Variants in PC observed in about 807,000 individuals in gnomAD.
The protein encoded by PC is pyruvate carboxylase, mitochondrial.
In PC, 46 loss-of-function variants were observed where a neutral mutation model predicts 107.8. The ratio of observed to expected loss-of-function variants is 0.43; its 90% CI spans 0.34 to 0.55. PC has a LOEUF of 0.55. PC is among the 20% of genes least tolerant of loss of function. The pLI is 0.04. For missense variants in PC, 1,241 were observed against 1,643.1 expected (o/e 0.76, Z 4.23); for synonymous variants, 662 against 684.7 (o/e 0.97, Z 0.52).
At chr11:66,876,744 G>A (rs981954473) in intron 3 of PC, among the ~76,000 whole-genome samples, 20 of 152,196 alleles carry the variant, frequency 1.3e-4, no homozygotes, top group Non-Finnish European at 2.1e-4. Context: ...GAGCAGGTGT[G>A]GGGTGTAAAT....
At chr11:66,949,152 C>T (rs961311221) in intron 3 of PC, among the ~76,000 whole-genome samples, 13 of 150,910 alleles carry the variant, frequency 8.6e-5, no homozygotes, top group Non-Finnish European at 1.8e-4. Context: ...GACCACCACA[C>T]CCAGCTAATT....
intron 3 of PC, among the ~76,000 whole-genome samples, chr11:66,929,124 T>C (rs974270655): frequency 3.3e-5 from 5 of 152,264 alleles, no homozygotes; most frequent in African/African-American, 1.2e-4. Context: ...AGAGATTCTA[T>C]CTCCCATTAT....
At chr11:66,887,450 G>A (rs909017504) in intron 3 of PC, among the ~76,000 whole-genome samples, 1 of 152,124 alleles carries the variant, frequency 6.6e-6, no homozygotes, top group Non-Finnish European at 1.5e-5. Context: ...TTAAGTAAGA[G>A]GCGGCAGCTA....
intron 3 of PC, among the ~76,000 whole-genome samples, chr11:66,926,843 A>T (rs1948727957): frequency 6.6e-6 from 1 of 151,298 alleles, no homozygotes; most frequent in Non-Finnish European, 1.5e-5. Flanking sequence ...TTTGCTTAGC[A>T]CAATGTTTTC....
intron 3 of PC, among the ~76,000 whole-genome samples, chr11:66,873,890 C>A (rs1946877397): frequency 6.6e-6 from 1 of 152,038 alleles, no homozygotes; most frequent in Non-Finnish European, 1.5e-5. Flanking sequence ...GCCTCAGCCT[C>A]CCAAGTAGCT....
At chr11:66,948,604 C>T (rs1949362492) in intron 3 of PC, among the ~76,000 whole-genome samples, 1 of 152,190 alleles carries the variant, frequency 6.6e-6, no homozygotes, top group African/African-American at 2.4e-5. Context: ...CTTTGGGAGG[C>T]CAAGGCGGGC....
Position 66,852,395 on chromosome 11 carries a change from C to T in PC, c.1825+44G>A, listed in dbSNP as rs374178095. Reference sequence around the variant, plus strand: ...TAAGCCTGTGGGACTGGCCACAGAGCGGGCGCCCATTCCTACCAGGCGCTG... The same window carrying T: ...TAAGCCTGTGGGACTGGCCACAGAGTGGGCGCCCATTCCTACCAGGCGCTG... On this transcript the variant is annotated intron_variant, in intron 15 of 22. Coordinates refer to ENST00000393960, the MANE Select transcript of PC (RefSeq NM_001040716.2). This position sits in a 1 kb window ranked among gnomAD's most constrained non-coding sequence, Gnocchi z 4.7. 17 of 1,483,462 alleles carry T rather than the reference C, an allele frequency of 1.1e-5. No homozygotes were observed. The highest frequency in any genetic ancestry group is 1.7e-4 in the Middle Eastern group (1 of 5,844). The allele number at this position is 1,483,462 out of a possible 1,614,324, so 91.9% of individuals were successfully genotyped here. A position where few individuals can be genotyped will look rare whatever the true frequency, so the allele number is the denominator to read the frequency against.
intron 13 of PC, 44 bp downstream of exon 13, chr11:66,853,195 G>A (rs1435304684): frequency 6.2e-7 from 1 of 1,605,362 alleles, no homozygotes; most frequent in African/African-American, 1.3e-5. Context: ...AGATTGGAGA[G>A]CGGAGGGGAG....
chr11:66,855,672 C>T (rs1319774771), intron 12 of PC, among the ~76,000 whole-genome samples: 1 of 152,190 alleles, frequency 6.6e-6, no homozygotes, highest in Non-Finnish European at 1.5e-5. Flanking sequence ...TGACCTGCAC[C>T]AGGACTGAAT....
chr11:66,904,367 G>C (rs1046843801), intron 3 of PC, among the ~76,000 whole-genome samples: 1 of 152,158 alleles, frequency 6.6e-6, no homozygotes, highest in Non-Finnish European at 1.5e-5. Context: ...GGCTGGGCGC[G>C]GTGGCTCATG....
intron 3 of PC, among the ~76,000 whole-genome samples, chr11:66,923,093 G>A (rs1223075764): frequency 2.6e-5 from 4 of 152,026 alleles, no homozygotes; most frequent in Admixed American, 6.6e-5. Flanking sequence ...GGCACCGGGC[G>A]CGGTGGCTCA....
chr11:66,936,178 G>A (rs1341252765), intron 3 of PC, among the ~76,000 whole-genome samples: 2 of 151,816 alleles, frequency 1.3e-5, no homozygotes, highest in Admixed American at 6.6e-5. Context: ...AGCCCAGGAG[G>A]TGGAGGCTAC....
At chr11:66,950,239 G>A (rs1241379537) in intron 3 of PC, among the ~76,000 whole-genome samples, 1 of 152,086 alleles carries the variant, frequency 6.6e-6, no homozygotes, top group African/African-American at 2.4e-5. Context: ...GACTCAGCAT[G>A]GCCAGGTCGT....
intron 12 of PC, chr11:66,860,146 G>T: frequency 1.9e-6 from 3 of 1,549,384 alleles, no homozygotes; most frequent in Middle Eastern, 3.3e-4. Flanking sequence ...GGGGCAGGGT[G>T]CCGGGGGGTA....
intron 3 of PC, among the ~76,000 whole-genome samples, chr11:66,923,222 C>T (rs756194775): frequency 1.3e-5 from 2 of 151,854 alleles, no homozygotes; most frequent in Admixed American, 6.6e-5. Context: ...ATTAGCTGGG[C>T]GGGGTGGCAT....
intron 3 of PC, among the ~76,000 whole-genome samples, chr11:66,951,174 T>C (rs938914638): frequency 3.9e-5 from 6 of 152,116 alleles, no homozygotes; most frequent in African/African-American, 9.7e-5. Flanking sequence ...GAAAAACTCC[T>C]ATACCAAGGA....
At chr11:66,895,572 TAAAG>T (rs1307241910) in intron 3 of PC, among the ~76,000 whole-genome samples, 1 of 152,126 alleles carries the variant, frequency 6.6e-6, no homozygotes, top group African/African-American at 2.4e-5. Context: ...CACACATTTT[TAAAG>T]AACCATTTGG....
intron 2 of PC, among the ~76,000 whole-genome samples, chr11:66,953,477 G>A (rs896533565): frequency 1.3e-5 from 2 of 152,192 alleles, no homozygotes; most frequent in African/African-American, 4.8e-5. Context: ...TTGGTATTGT[G>A]TAATCACTTT....
rs58204291 is a variant in PC at position 66,883,096 on chromosome 11, G to C, written c.1-10937C>G. Among the ~76,000 whole-genome samples the C allele has an allele frequency of 5.8e-4, 89 of 152,294 alleles. 1 individual carries two copies. The East Asian group carries it at 0.016, about 27-fold the overall frequency. Reference sequence around the variant, plus strand: ...CTGCTCCAAGTGGCACTGCGGCGACGAACAGCAGTGAACAGTGCCAGCAGG... The same window carrying C: ...CTGCTCCAAGTGGCACTGCGGCGACCAACAGCAGTGAACAGTGCCAGCAGG... On this transcript the variant is annotated intron_variant, in intron 3 of 22. Transcript: ENST00000393960.
Sources: gnomAD v4.1 joint callset for allele counts (sites outside exome capture counted in the v4.1 genomes callset) on GRCh38, gnomAD v4.1.1 for gene constraint, Gnocchi (gnomAD v3.1) non-coding constraint, MANE v1.5 for transcripts, NCBI Gene and HGNC (gene_info 2026-07-23, HGNC 2026-07-21) for gene names.